The following LARGE1 variants were observed in gnomAD, a reference collection of about 807,000 sequenced individuals.
LARGE1 encodes LARGE xylosyl- and glucuronyltransferase 1, also known as xylosyl- and glucuronyltransferase LARGE1.
Under a neutral mutation model 87.6 loss-of-function variants are expected in LARGE1, and 43 were observed. That is an observed-to-expected ratio of 0.49 (90% CI 0.38 to 0.63). The LOEUF is 0.63. Among genes scored for constraint, LARGE1 ranks in the 30% least tolerant of loss-of-function variants. The probability of loss-of-function intolerance (pLI) is 0.00; values close to 1 mark genes in which losing one functional copy is unlikely to be tolerated. For synonymous variants in LARGE1, 434 were observed against 394.6 expected, an observed-to-expected ratio of 1.10 and a Z score of -1.18; for missense variants, 802 against 1,000.2, an observed-to-expected ratio of 0.80 and a Z score of 2.67.
intron 1 of LARGE1, among the ~76,000 whole-genome samples, chr22:33,913,051 C>T (rs1328072192): frequency 6.6e-6 from 1 of 152,014 alleles, no homozygotes; most frequent in East Asian, 1.9e-4. Flanking sequence ...AGGCTGGTCT[C>T]GAACTCCTGA....
In LARGE1 at chr22:33,669,906, C is replaced by T. The variant is rs912796940; in HGVS notation, c.107-19238G>A. Among the ~76,000 whole-genome samples, 47 of 152,202 alleles carry T rather than the reference C, an allele frequency of 3.1e-4. 2 individuals are homozygous for T. The highest frequency in any genetic ancestry group is 2.2e-4 in the Non-Finnish European group (15 of 68,034). On this transcript the variant is annotated intron_variant, in intron 2 of 14. Transcript: ENST00000397394. ...AACATGAATAAATGCAAAAGGCTCA[C>T]ATTGACCTGCACTGTTGTTGGTATT...
intron 9 of LARGE1, among the ~76,000 whole-genome samples, chr22:33,343,561 GC>G (rs112613313): frequency 8.5e-4 from 129 of 152,236 alleles, no homozygotes; most frequent in African/African-American, 2.9e-3. Flanking sequence ...TTCCTCAGTA[GC>G]CCCCTACTGT....
chr22:33,153,321 C>T, the LARGE1 span, among the ~76,000 whole-genome samples: 1 of 152,190 alleles, frequency 6.6e-6, no homozygotes, highest in Non-Finnish European at 1.5e-5. Flanking sequence ...TGCCACAGCA[C>T]CAAGCTTTCA....
intron 1 of LARGE1, among the ~76,000 whole-genome samples, chr22:33,880,262 G>A (rs989837532): frequency 6.6e-6 from 1 of 152,096 alleles, no homozygotes; most frequent in African/African-American, 2.4e-5. Context: ...CCAAGTATCT[G>A]GACCCAAGTC....
chr22:33,651,225 C>CAAAAAAAA lies in LARGE1; in HGVS notation c.107-565_107-558dup, dbSNP rs71187275. ...TGAAACCCGGTCTCTACTAAAAATA[C>CAAAAAAAA]AAAAAAAAAAAAAAAAATTAGCCGG... On this transcript the variant is annotated intron_variant, in intron 2 of 14. Transcript: ENST00000397394. Among the ~76,000 whole-genome samples, 81 of 56,566 alleles carry CAAAAAAAA rather than the reference C, an allele frequency of 1.4e-3. 4 individuals carry two copies. Among genetic ancestry groups the CAAAAAAAA allele is most frequent in the Middle Eastern group, 0.018 (1 of 56 alleles). The allele number at this position is 56,566 out of a possible 152,430, so 37.1% of individuals were successfully genotyped here. A position where few individuals can be genotyped will look rare whatever the true frequency, so the allele number is the denominator to read the frequency against.
At chr22:33,587,736 T>C (rs76934450) in intron 5 of LARGE1, among the ~76,000 whole-genome samples, 1 of 24,026 alleles carries the variant, frequency 4.2e-5, no homozygotes, top group South Asian at 7.9e-4. Context: ...TCCTTTAAGA[T>C]TTTTTTTTTT....
intron 12 of LARGE1, among the ~76,000 whole-genome samples, chr22:33,297,213 G>T (rs1933411537): frequency 6.6e-6 from 1 of 152,180 alleles, no homozygotes; most frequent in South Asian, 2.1e-4. Context: ...ATGTAAGGGG[G>T]TAGGTGGTTA....
intron 9 of LARGE1, among the ~76,000 whole-genome samples, chr22:33,340,525 A>G (rs1022445626): frequency 6.6e-6 from 1 of 151,796 alleles, no homozygotes; most frequent in East Asian, 1.9e-4. Flanking sequence ...TCATATTCTC[A>G]ATGCTCCTTG....
At chr22:33,428,822 C>T (rs1311774987) in intron 7 of LARGE1, among the ~76,000 whole-genome samples, 2 of 143,678 alleles carry the variant, frequency 1.4e-5, no homozygotes, top group Non-Finnish European at 3.0e-5. Context: ...CCCAGCTATT[C>T]GGGAGGCTGA....
In LARGE1 at chr22:33,277,653, T is replaced by C. The variant is rs745407935; in HGVS notation, c.1878-398A>G. ...TGCTGGCAATCACCAGACGGAGGCC[T>C]AGGACCTCAGGGAAGAAGCATGGAC... On this transcript the variant is annotated intron_variant, in intron 13 of 14. Coordinates refer to ENST00000397394, the MANE Select transcript of LARGE1 (RefSeq NM_133642.5). 3.9e-5 allele frequency among the ~76,000 whole-genome samples: 6 copies of C among 152,198 alleles called. No homozygotes were observed. In the East Asian group the frequency reaches 1.2e-3, roughly 29 times the overall value.
chr22:33,438,664 GA>G (rs1490528754), intron 6 of LARGE1, among the ~76,000 whole-genome samples: 1 of 152,142 alleles, frequency 6.6e-6, no homozygotes, highest in African/African-American at 2.4e-5. Context: ...AAGGAGCAGA[GA>G]ACTACAATTC....
chr22:33,793,340 G>A (rs1403288191), intron 1 of LARGE1, among the ~76,000 whole-genome samples: 6 of 152,170 alleles, frequency 3.9e-5, no homozygotes, highest in Non-Finnish European at 7.3e-5. Flanking sequence ...AGGCTTCAAT[G>A]AGGAAGGACA....
At chr22:33,511,949 AG>A (rs1385705638) in intron 6 of LARGE1, among the ~76,000 whole-genome samples, 2 of 152,302 alleles carry the variant, frequency 1.3e-5, no homozygotes, top group Non-Finnish European at 2.9e-5. Flanking sequence ...ATTGTACCTG[AG>A]GCCCAGGAAA....
At chr22:33,487,844 C>T (rs1362321293) in intron 6 of LARGE1, among the ~76,000 whole-genome samples, 2 of 152,190 alleles carry the variant, frequency 1.3e-5, no homozygotes. Flanking sequence ...GTTTCCCTAT[C>T]TGCAAAGTGG....
At chr22:33,886,704 A>C in intron 1 of LARGE1, among the ~76,000 whole-genome samples, 1 of 139,494 alleles carries the variant, frequency 7.2e-6, no homozygotes, top group Admixed American at 7.2e-5. Context: ...GGAGGGAAGG[A>C]GGGAGGGAGG....
In LARGE1 at chr22:33,713,262, C is replaced by CA. The variant is rs898606940; in HGVS notation, c.106+48108dup. 2.6e-5 allele frequency among the ~76,000 whole-genome samples: 4 copies of CA among 151,690 alleles called. No homozygotes were observed. The South Asian group carries it at 6.3e-4, about 24-fold the overall frequency. On this transcript the variant is annotated intron_variant, in intron 2 of 14. Transcript: ENST00000397394. ...TTAAAGGAATGGATAGAGTTGGTTTCAAAAAAAAGTCCCAGCTCCCCCAGG... is the reference window on the plus strand; with the variant it reads ...TTAAAGGAATGGATAGAGTTGGTTTCAAAAAAAAAGTCCCAGCTCCCCCAGG...
intron 7 of LARGE1, among the ~76,000 whole-genome samples, chr22:33,424,544 G>A (rs553921509): frequency 3.3e-5 from 5 of 152,252 alleles, no homozygotes; most frequent in African/African-American, 4.8e-5. Context: ...TCCTAAACCC[G>A]TCCAGGCATA....
chr22:33,475,928 C>T (rs1350533728), intron 6 of LARGE1, among the ~76,000 whole-genome samples: 1 of 152,098 alleles, frequency 6.6e-6, no homozygotes, highest in East Asian at 1.9e-4. Flanking sequence ...ATCTTGGGAC[C>T]CCAAAATCAC....
intron 2 of LARGE1, among the ~76,000 whole-genome samples, chr22:33,753,984 C>T (rs149010167): frequency 6.6e-6 from 1 of 152,062 alleles, no homozygotes; most frequent in African/African-American, 2.4e-5. Context: ...ATTGCTTGAA[C>T]CTGGGAGGCG....
Sources: gnomAD v4.1 joint callset for allele counts (sites outside exome capture counted in the v4.1 genomes callset) on GRCh38, gnomAD v4.1.1 for gene constraint, MANE v1.5 for transcripts, NCBI Gene and HGNC (gene_info 2026-07-23, HGNC 2026-07-21) for gene names.